The following SVIL variants were observed in gnomAD, a reference collection of about 807,000 sequenced individuals.
SVIL encodes archvillin.
In SVIL, 101 loss-of-function variants were observed where a neutral mutation model predicts 240.4. That is an observed-to-expected ratio of 0.42 (90% confidence interval 0.36 to 0.50). The LOEUF (loss-of-function observed/expected upper bound fraction) is 0.50, where lower values mean the gene tolerates loss of function less well. Ranked by LOEUF, SVIL falls within the 20% of genes least tolerant of loss-of-function variation. The probability of loss-of-function intolerance (pLI) is 0.01; values close to 1 mark genes in which losing one functional copy is unlikely to be tolerated. For missense variants in SVIL, 2,512 were observed against 2,818.7 expected, an observed-to-expected ratio of 0.89 and a Z score of 2.46; for synonymous variants, 999 against 1,100.0, an observed-to-expected ratio of 0.91 and a Z score of 1.82.
intron 1 of SVIL, among the ~76,000 whole-genome samples, chr10:29,706,354 G>C (rs1962891981): frequency 1.3e-5 from 2 of 152,258 alleles, no homozygotes; most frequent in Non-Finnish European, 2.9e-5. Context: ...TCACCATGCT[G>C]ACTGGTGTGA....
Position 29,555,147 on chromosome 10 carries a change from G to A in SVIL, c.-50-39C>T, listed in dbSNP as rs926048873. On this transcript the variant is annotated intron_variant, in intron 3 of 37. Coordinates refer to ENST00000355867, the MANE Select transcript of SVIL (RefSeq NM_021738.3). ...AAAAAAGAACAAAATATAGTATTTA[G>A]TAGTCGTGCGCTCATTTTATTCACT... 9.1e-6 allele frequency: 14 copies of A among 1,542,926 alleles called. No individual in the cohort carries two copies. In the African/African-American group the frequency reaches 1.5e-4, roughly 17 times the overall value.
chr10:29,617,011 C>G (rs1027837297), intron 1 of SVIL, among the ~76,000 whole-genome samples: 3 of 152,212 alleles, frequency 2.0e-5, no homozygotes, highest in African/African-American at 7.2e-5. Flanking sequence ...GCATGAGACA[C>G]CGCACCTGGC....
At chr10:29,654,297 C>G (rs1042998603) in intron 3 of SVIL, among the ~76,000 whole-genome samples, 1 of 151,874 alleles carries the variant, frequency 6.6e-6, no homozygotes, top group African/African-American at 2.4e-5. Context: ...CTTTTTCATG[C>G]TATTAGAAAA....
intron 3 of SVIL, chr10:29,644,135 G>A (rs1958580423): frequency 4.7e-6 from 2 of 422,764 alleles, no homozygotes; most frequent in Admixed American, 5.0e-5. Context: ...AACCATGGAG[G>A]CTGCTGCTCA....
At chr10:29,594,568 T>C (rs1956511703) in intron 1 of SVIL, among the ~76,000 whole-genome samples, 1 of 151,326 alleles carries the variant, frequency 6.6e-6, no homozygotes. Context: ...TCTTTTTTTT[T>C]TTTTTTGAAA....
At position 29,470,308 on chromosome 10, in the gene SVIL, G is replaced by A. The variant is rs1311058487; in HGVS notation, c.5811C>T (p.Val1937=). 1.9e-6 allele frequency: 3 copies of A among 1,614,162 alleles called. No homozygotes were observed. The highest frequency in any genetic ancestry group is 2.2e-5 in the East Asian group (1 of 44,870). The change falls in exon 32 of 38, where the codon GTC becomes GTT. Residue 1937 remains valine (V), a synonymous_variant. Coordinates refer to ENST00000355867, the MANE Select transcript of SVIL (RefSeq NM_021738.3). ...GCKAQAHTKE[V]GRTAANKIKE... ...TGATCTTGTTCGCAGCGGTCCTTCC[G>A]ACCTCCTTCGTGTGGGCCTGGGCTT...
chr10:29,647,298 C>T (rs1323562373), intron 3 of SVIL: 3 of 152,176 alleles, frequency 2.0e-5, no homozygotes, highest in African/African-American at 7.2e-5. Context: ...TAAACCATCA[C>T]TTGGCTTTTT....
chr10:29,675,550 C>T (rs1401810973), intron 2 of SVIL, among the ~76,000 whole-genome samples: 2 of 152,116 alleles, frequency 1.3e-5, no homozygotes, highest in Admixed American at 6.5e-5. Context: ...TTACTCCCAC[C>T]CACACAGACC....
At chr10:29,699,477 A>T (rs1349663413) in intron 1 of SVIL, among the ~76,000 whole-genome samples, 1 of 151,688 alleles carries the variant, frequency 6.6e-6, no homozygotes, top group East Asian at 1.9e-4. Flanking sequence ...TAATTTTTGT[A>T]TTTTTTAGTA....
chr10:29,509,320 GGAGGGGGAGGGAGAGA>G (rs1292533707), intron 17 of SVIL, among the ~76,000 whole-genome samples: 35 of 86,926 alleles, frequency 4.0e-4, no homozygotes, highest in South Asian at 2.0e-3. Flanking sequence ...AAAGGGAGAA[GGAGGGGGAGGGAGAGA>G]GAGAGAGAGA....
chr10:29,554,761 G>T (rs200788656), intron 5 of SVIL, 22 bp downstream of exon 5: 2 of 1,518,434 alleles, frequency 1.3e-6, no homozygotes, highest in African/African-American at 1.4e-5. Context: ...CTGGAAAATG[G>T]GCCACCCAGC....
At chr10:29,499,720 C>A in intron 17 of SVIL, among the ~76,000 whole-genome samples, 1 of 152,104 alleles carries the variant, frequency 6.6e-6, no homozygotes, top group Non-Finnish European at 1.5e-5. Context: ...GGAACTTGCC[C>A]AGTTAGAGAC....
chr10:29,466,927 C>T (rs1323450715), intron 33 of SVIL, among the ~76,000 whole-genome samples: 1 of 152,042 alleles, frequency 6.6e-6, no homozygotes. Context: ...CATTGAGGGG[C>T]AGAGTATTAT....
chr10:29,491,484 A>G (rs577935693), intron 21 of SVIL, among the ~76,000 whole-genome samples: 4 of 152,246 alleles, frequency 2.6e-5, no homozygotes, highest in African/African-American at 4.8e-5. Flanking sequence ...CTTTCTCCCT[A>G]TGCAATAGCT....
At chr10:29,643,988 C>G in intron 3 of SVIL, 1 of 518,588 alleles carries the variant, frequency 1.9e-6, no homozygotes, top group Non-Finnish European at 3.9e-6. Flanking sequence ...AGCAACATCG[C>G]GTTCCTGGAC....
chr10:29,464,227 G>A (rs979219457), intron 34 of SVIL, among the ~76,000 whole-genome samples: 8 of 151,988 alleles, frequency 5.3e-5, no homozygotes, highest in African/African-American at 1.2e-4. Flanking sequence ...GCTTGAGCCC[G>A]GAGGTTGAAG....
At chr10:29,498,165 C>T (rs911166063) in intron 18 of SVIL, among the ~76,000 whole-genome samples, 1 of 148,476 alleles carries the variant, frequency 6.7e-6, no homozygotes, top group Non-Finnish European at 1.5e-5. Context: ...CGCCTGTAAT[C>T]CCAGCACTTT....
intron 2 of SVIL, among the ~76,000 whole-genome samples, chr10:29,661,123 C>T (rs1001963321): frequency 1.5e-4 from 22 of 150,282 alleles, no homozygotes; most frequent in Non-Finnish European, 2.9e-4. Context: ...GCCGAGATTG[C>T]GCCACTGCAC....
intron 3 of SVIL, among the ~76,000 whole-genome samples, chr10:29,646,741 TC>T (rs1801882318): frequency 6.6e-6 from 1 of 151,948 alleles, no homozygotes; most frequent in African/African-American, 2.4e-5. Flanking sequence ...TGCAGTAGGG[TC>T]CCCAGTGACA....
Sources: gnomAD v4.1 joint callset for allele counts (sites outside exome capture counted in the v4.1 genomes callset) on GRCh38, gnomAD v4.1.1 for gene constraint, MANE v1.5 for transcripts, NCBI Gene and HGNC (gene_info 2026-07-23, HGNC 2026-07-21) for gene names.